The following SLIT2 variants were observed in gnomAD, a reference collection of about 807,000 sequenced individuals.
SLIT2 encodes the protein slit guidance ligand 2.
In SLIT2, 41 loss-of-function variants were observed where a neutral mutation model predicts 185.7. The ratio of observed to expected loss-of-function variants is 0.22; its 90% confidence interval spans 0.17 to 0.29. SLIT2 has a LOEUF of 0.29. Ranked by LOEUF, SLIT2 falls within the 10% of genes least tolerant of loss-of-function variation. The pLI, the probability that SLIT2 is intolerant of heterozygous loss-of-function variation, is 1.00. For synonymous variants in SLIT2, 693 were observed against 680.2 expected (o/e 1.02, Z -0.29); for missense variants, 1,571 against 1,909.0 (o/e 0.82, Z 3.30).
rs1577345451 is a variant in SLIT2 at position 20,268,750 on chromosome 4, A to G, written c.324-60A>G. 11 of 1,017,098 alleles carry G rather than the reference A, an allele frequency of 1.1e-5. No individual in the cohort carries two copies. In the East Asian group the frequency reaches 2.6e-4, roughly 24 times the overall value. 63.0% of individuals were successfully genotyped at this position (1,017,098 alleles called of 1,614,324 possible). A position where few individuals can be genotyped will look rare whatever the true frequency, so the allele number is the denominator to read the frequency against. On this transcript the variant is annotated intron_variant, in intron 3 of 36. Transcript: ENST00000504154. Reference sequence around the variant, plus strand: ...GGATGAGGCATGACACTACCAAATCACAGTCTCATTGTTGGGTATTTTCTA... The same window carrying G: ...GGATGAGGCATGACACTACCAAATCGCAGTCTCATTGTTGGGTATTTTCTA...
chr4:20,488,315 T>C (rs1182674736), intron 7 of SLIT2, among the ~76,000 whole-genome samples: 3 of 152,196 alleles, frequency 2.0e-5, no homozygotes, highest in Non-Finnish European at 4.4e-5. Flanking sequence ...AAAAGTGTTT[T>C]ATATTGAATT....
At position 20,253,829 on chromosome 4, in the gene SLIT2, G is replaced by T; in HGVS notation, c.14G>T (p.Gly5Val). 1 of 1,599,316 alleles carries T rather than the reference G, an allele frequency of 6.3e-7. No individual in the cohort carries two copies. The highest frequency in any genetic ancestry group is 8.5e-7 in the Non-Finnish European group (1 of 1,179,658). Residue 5 changes from glycine to valine, a missense_variant, in exon 1 of 37, where the codon GGC becomes GTC. By Grantham distance (109) the Gly-to-Val change is moderately radical. Around this residue, in one of 3 missense-constraint regions of SLIT2, gnomAD observed 1,202 missense variants for 1,416.4 expected, o/e 0.85. Transcript: ENST00000504154. The part of the protein sequence containing the change: MRGV[G>V]WQMLSLSLGL... ...CGGCGGGGAAAGATGCGCGGCGTTGGCTGGCAGATGCTGTCCCTGTCGCTG... is the reference window on the plus strand; with the variant it reads ...CGGCGGGGAAAGATGCGCGGCGTTGTCTGGCAGATGCTGTCCCTGTCGCTG...
intron 6 of SLIT2, among the ~76,000 whole-genome samples, chr4:20,481,381 G>A (rs554997254): frequency 6.6e-6 from 1 of 152,052 alleles, no homozygotes; most frequent in Non-Finnish European, 1.5e-5. Context: ...TTGGTTAGAG[G>A]CAACTAAGTA....
intron 29 of SLIT2, among the ~76,000 whole-genome samples, chr4:20,575,406 G>A (rs567586916): frequency 6.6e-6 from 1 of 151,936 alleles, no homozygotes; most frequent in Admixed American, 6.6e-5. Context: ...ATCATTAGTC[G>A]ATACATTGTT....
chr4:20,371,914 AT>A, intron 4 of SLIT2, among the ~76,000 whole-genome samples: 1 of 152,250 alleles, frequency 6.6e-6, no homozygotes, highest in East Asian at 1.9e-4. Context: ...CTCCAAAGAA[AT>A]AGGAATGTTT....
intron 4 of SLIT2, among the ~76,000 whole-genome samples, chr4:20,313,109 A>G (rs1309381364): frequency 6.6e-6 from 1 of 152,196 alleles, no homozygotes; most frequent in East Asian, 1.9e-4. Context: ...GACTTTCTGT[A>G]AAAAGTGGCT....
intron 4 of SLIT2, among the ~76,000 whole-genome samples, chr4:20,448,024 T>C (rs1313629476): frequency 6.6e-6 from 1 of 152,186 alleles, no homozygotes; most frequent in East Asian, 1.9e-4. Context: ...CTTCATAGGC[T>C]AGGATTTTAC....
chr4:20,502,448 C>A (rs2148814831), intron 9 of SLIT2, among the ~76,000 whole-genome samples: 1 of 152,230 alleles, frequency 6.6e-6, no homozygotes, highest in Admixed American at 6.5e-5. Flanking sequence ...ACAGTCTCAA[C>A]CTTCAAAATG....
At chr4:20,486,388 C>A in intron 7 of SLIT2, 117 bp downstream of exon 7, 1 of 631,840 alleles carries the variant, frequency 1.6e-6, no homozygotes, top group Non-Finnish European at 2.8e-6. Context: ...AAGGAAAACC[C>A]AACTTTGGAA....
intron 4 of SLIT2, among the ~76,000 whole-genome samples, chr4:20,326,815 G>T (rs1577437946): frequency 1.2e-5 from 1 of 82,740 alleles, no homozygotes; most frequent in African/African-American, 4.8e-5. Flanking sequence ...TTTGATAATT[G>T]TTTCTTAGAA....
Position 20,610,066 on chromosome 4 carries a change from A to G in SLIT2, c.3746A>G (p.Asp1249Gly). The change falls in exon 34 of 37, where the codon GAT becomes GGT. Residue 1249 changes from aspartate (D) to glycine (G), a missense_variant. Transcript: ENST00000504154. ...NFHIVELLAL[D>G]QSLSLSVDGG... is the part of the protein sequence containing the mutation. ...CACATTGTGGAACTACTTGCCTTGG[A>G]TCAGAGTCTCTCTTTGTCCGTGGAT... 6.2e-7 allele frequency: 1 copy of G among 1,613,736 alleles called. No homozygotes were observed.
intron 30 of SLIT2, among the ~76,000 whole-genome samples, 169 bp from the exon 31 acceptor site, chr4:20,595,528 A>AACAT (rs140494204): frequency 0.034 from 5,144 of 152,276 alleles, 117 homozygotes; most frequent in South Asian, 0.078. Context: ...TAGAACATGG[A>AACAT]ACATACTGCA....
intron 4 of SLIT2, among the ~76,000 whole-genome samples, chr4:20,409,889 A>G (rs915919472): frequency 2.6e-5 from 4 of 152,036 alleles, no homozygotes; most frequent in Non-Finnish European, 5.9e-5. Context: ...GTGTCTATTC[A>G]TGTCCTTTGA....
intron 29 of SLIT2, among the ~76,000 whole-genome samples, chr4:20,574,770 G>A (rs1725936933): frequency 7.2e-6 from 1 of 139,152 alleles, no homozygotes; most frequent in Admixed American, 7.8e-5. Context: ...CTGGGCAAGA[G>A]AGTGAGACTC....
intron 4 of SLIT2, among the ~76,000 whole-genome samples, chr4:20,415,784 T>C (rs961987364): frequency 5.3e-5 from 8 of 152,210 alleles, no homozygotes; most frequent in Non-Finnish European, 8.8e-5. Flanking sequence ...AGTGATTCTG[T>C]ATTCCCATTT....
intron 4 of SLIT2, among the ~76,000 whole-genome samples, chr4:20,456,299 C>T (rs1271370481): frequency 6.6e-6 from 1 of 152,082 alleles, no homozygotes; most frequent in East Asian, 1.9e-4. Context: ...ATGCAGCAAA[C>T]ACTATTTTCT....
chr4:20,597,041 C>T (rs1728037372), intron 32 of SLIT2, among the ~76,000 whole-genome samples: 1 of 151,068 alleles, frequency 6.6e-6, no homozygotes, highest in African/African-American at 2.4e-5. Flanking sequence ...TGGATTCAAC[C>T]ACCAGCACCT....
chr4:20,462,476 G>A (rs573285041), intron 4 of SLIT2, among the ~76,000 whole-genome samples: 1 of 152,212 alleles, frequency 6.6e-6, no homozygotes, highest in East Asian at 1.9e-4. Context: ...CAGCAAACTT[G>A]AATGGCTGTA....
chr4:20,266,753 A>G (rs1023484630), intron 3 of SLIT2, among the ~76,000 whole-genome samples: 1 of 151,976 alleles, frequency 6.6e-6, no homozygotes, highest in African/African-American at 2.4e-5. Context: ...GTACATGAAT[A>G]AATATTACAC....
Sources: allele counts gnomAD v4.1 joint callset (sites outside exome capture counted in the v4.1 genomes callset), GRCh38; gene constraint gnomAD v4.1.1; regional missense constraint gnomAD v4.1.1; transcripts MANE v1.5; gene names NCBI Gene and HGNC (gene_info 2026-07-23, HGNC 2026-07-21).